Variants in STK26 observed in about 807,000 individuals in gnomAD.
STK26 encodes the protein serine/threonine-protein kinase 26.
In STK26, 14 loss-of-function variants were observed where a neutral mutation model predicts 34.7. The observed-to-expected ratio is 0.40, with a 90% CI of 0.27 to 0.63. STK26 has a LOEUF of 0.63. Ranked by LOEUF, STK26 falls within the 30% of genes least tolerant of loss-of-function variation. STK26 has a pLI of 0.38. For synonymous variants in STK26, 100 were observed against 109.8 expected (o/e 0.91, Z 0.56); for missense variants, 226 against 309.1 (o/e 0.73, Z 2.02).
rs1927527807 is a variant in STK26, at chrX:132,074,369, T to TTAATAATATTTAATAAGGA, written c.*210_*211insTAATAATATTTAATAAGGA. On this transcript the variant is annotated 3_prime_UTR_variant, in exon 12 of 12. Transcript: ENST00000394334. ...TTTTGTAAGGAATAACTTTTAATACTATAGTTTCACCTGTATTCTAGTAAA... is the reference window on the plus strand; with the variant it reads ...TTTTGTAAGGAATAACTTTTAATACTTAATAATATTTAATAAGGAATAGTTTCACCTGTATTCTAGTAAA... 2.8e-6 allele frequency: 1 copy of TTAATAATATTTAATAAGGA among 350,966 alleles called. No individual in the cohort carries two copies. The highest frequency in any genetic ancestry group is 5.0e-6 in the Non-Finnish European group (1 of 201,947). 28.9% of individuals were successfully genotyped at this position (350,966 alleles called of 1,213,427 possible). A position where few individuals can be genotyped will look rare whatever the true frequency, so the allele number is the denominator to read the frequency against.
intron 2 of STK26, among the ~76,000 whole-genome samples, chrX:132,048,813 C>T (rs774619629): frequency 9.0e-6 from 1 of 111,602 alleles, no homozygotes; most frequent in East Asian, 2.8e-4. Context: ...ATTGAATGAC[C>T]TATATACATT....
rs191219104 is a variant in STK26, at chrX:132,074,712, T to C, written c.*553T>C. ...CTCTTCTACCAAGTTGGTATGATAT[T>C]CCAGGCAGCTCAATGATTATCACAT... On this transcript the variant is annotated 3_prime_UTR_variant, in exon 12 of 12. Coordinates refer to ENST00000394334, the MANE Select transcript of STK26 (RefSeq NM_016542.4). 3.0e-4 allele frequency: 34 copies of C among 111,583 alleles called. No individual in the cohort carries two copies. Among genetic ancestry groups the C allele is most frequent in the African/African-American group, 1.1e-3 (34 of 30,806 alleles). The allele number at this position is 111,583 out of a possible 1,213,427, so 9.2% of individuals were successfully genotyped here.
chrX:132,065,349 G>A (rs780309565), intron 4 of STK26, among the ~76,000 whole-genome samples: 1 of 111,509 alleles, frequency 9.0e-6, no homozygotes, highest in Non-Finnish European at 1.9e-5. Flanking sequence ...AATATTAAGA[G>A]CCCTTTCCAA....
chrX:132,042,970 T>C (rs961641298), intron 2 of STK26, among the ~76,000 whole-genome samples: 1 of 111,888 alleles, frequency 8.9e-6, no homozygotes, highest in African/African-American at 3.2e-5. Context: ...AGGGAAATTA[T>C]TCTGCAGCCA....
intron 4 of STK26, among the ~76,000 whole-genome samples, chrX:132,064,905 C>G (rs1387597594): frequency 9.0e-6 from 1 of 111,441 alleles, no homozygotes; most frequent in Non-Finnish European, 1.9e-5. Context: ...ACCTTGACTG[C>G]CAGTAACTCA....
At chrX:132,069,342 T>G in intron 6 of STK26, 136 bp from the exon 7 acceptor site, 1 of 148,605 alleles carries the variant, frequency 6.7e-6, no homozygotes, top group East Asian at 1.8e-4. Flanking sequence ...TGTATAGCCA[T>G]TAGGTTCCAC....
intron 3 of STK26, among the ~76,000 whole-genome samples, chrX:132,060,242 C>T (rs993942635): frequency 8.9e-6 from 1 of 111,757 alleles, no homozygotes; most frequent in Non-Finnish European, 1.9e-5. Flanking sequence ...ATATTAATAG[C>T]CTGCTTATCT....
At chrX:132,057,112 G>A (rs1035677571) in intron 3 of STK26, among the ~76,000 whole-genome samples, 8 of 112,430 alleles carry the variant, frequency 7.1e-5, no homozygotes, top group South Asian at 3.7e-4. Flanking sequence ...CAGAATCTGG[G>A]TCTGGAGTGT....
chrX:132,023,455 C>T, intron 1 of STK26, 48 bp downstream of exon 1: 1 of 662,312 alleles, frequency 1.5e-6, no homozygotes, highest in Non-Finnish European at 2.4e-6. Flanking sequence ...CACCTCCTAG[C>T]CCCGGGCTAC....
intron 4 of STK26, among the ~76,000 whole-genome samples, chrX:132,066,756 T>A (rs1432367454): frequency 8.9e-6 from 1 of 112,289 alleles, no homozygotes; most frequent in African/African-American, 3.2e-5. Context: ...TACTGGCTTA[T>A]TTATGTTACT....
In STK26 at chrX:132,074,334, G is replaced by T; in HGVS notation, c.*175G>T. 2.4e-6 allele frequency: 1 copy of T among 409,535 alleles called. No homozygotes were observed. Among genetic ancestry groups the T allele is most frequent in the South Asian group, 7.7e-5 (1 of 13,029 alleles). 33.8% of individuals were successfully genotyped at this position (409,535 alleles called of 1,213,427 possible). A position where few individuals can be genotyped will look rare whatever the true frequency, so the allele number is the denominator to read the frequency against. On this transcript the variant is annotated 3_prime_UTR_variant, in exon 12 of 12. Transcript: ENST00000394334. Reference sequence around the variant, plus strand: ...GATGGCGTTTATCATTTTATATTTTGAAAGGATTATTTTGTAAGGAATAAC... The same window carrying T: ...GATGGCGTTTATCATTTTATATTTTTAAAGGATTATTTTGTAAGGAATAAC...
In STK26 at chrX:132,035,398, A is replaced by C. The variant is rs776461567; in HGVS notation, c.42+11739A>C. Among the ~76,000 whole-genome samples, 4 of 111,044 alleles carry C rather than the reference A, an allele frequency of 3.6e-5. No individual in the cohort carries two copies. The Admixed American group carries it at 3.8e-4, about 11-fold the overall frequency. ...TGTGTGCTGTTAAGTAACCTACTTC[A>C]GTTTTTATTGATTGATTTAATTTTA... is the stretch of plus-strand genomic sequence containing the variant. On this transcript the variant is annotated intron_variant, in intron 2 of 11. Transcript: ENST00000394334.
At chrX:132,047,224 G>C (rs1926527309) in intron 2 of STK26, among the ~76,000 whole-genome samples, 1 of 111,877 alleles carries the variant, frequency 8.9e-6, no homozygotes, top group African/African-American at 3.2e-5. Flanking sequence ...CTGATAACTT[G>C]TAGTATGAAC....
chrX:132,033,244 T>C (rs934942741), intron 2 of STK26, among the ~76,000 whole-genome samples: 2 of 111,263 alleles, frequency 1.8e-5, no homozygotes, highest in African/African-American at 6.5e-5. Context: ...TGCCTCATCA[T>C]TATCGCTGCC....
At position 132,054,174 on chromosome X, in the gene STK26, G is replaced by A. The variant is rs150671117; in HGVS notation, c.43-457G>A. On this transcript the variant is annotated intron_variant, in intron 2 of 11. Coordinates refer to ENST00000394334, the MANE Select transcript of STK26 (RefSeq NM_016542.4). The stretch of plus-strand genomic sequence containing the variant: ...GTTATTTAGATGGCGGTTTGGAAGT[G>A]TAGCTAAGATGATTGGGATATCCGA... 3.2e-4 allele frequency among the ~76,000 whole-genome samples: 36 copies of A among 112,351 alleles called. No individual in the cohort carries two copies. In the East Asian group the frequency reaches 4.7e-3, roughly 15 times the overall value.
chrX:132,041,741 A>AT lies in STK26; in HGVS notation c.43-12881dup, dbSNP rs757705241. On this transcript the variant is annotated intron_variant, in intron 2 of 11. Transcript: ENST00000394334. ...TAAGTTCCTAAACAGACTATATAGC[A>AT]TTTTTTTTTAAGGAAAAAGATCAAC... Among the ~76,000 whole-genome samples the AT allele has an allele frequency of 5.9e-3, 646 of 109,219 alleles. 4 individuals are homozygous for AT. Among genetic ancestry groups the AT allele is most frequent in the African/African-American group, 0.02 (603 of 30,175 alleles). The allele number at this position is 109,219 out of a possible 115,157, so 94.8% of individuals were successfully genotyped here.
rs139776835 is a variant in STK26 at position 132,060,064 on chromosome X, G to A, written c.274-3369G>A. Among the ~76,000 whole-genome samples the A allele has an allele frequency of 2.1e-4, 23 of 112,007 alleles. No homozygotes were observed. In the East Asian group the frequency reaches 6.1e-3, roughly 30 times the overall value. The stretch of plus-strand genomic sequence containing the variant: ...ATAATACACCTCTAAGAAGCCCCAT[G>A]TTAGATTCAATTCAACAGACGCTTA... On this transcript the variant is annotated intron_variant, in intron 3 of 11. Coordinates refer to ENST00000394334, the MANE Select transcript of STK26 (RefSeq NM_016542.4).
At chrX:132,044,235 A>G (rs1314519654) in intron 2 of STK26, among the ~76,000 whole-genome samples, 6 of 111,562 alleles carry the variant, frequency 5.4e-5, no homozygotes, top group Admixed American at 9.5e-5. Flanking sequence ...TAAGCCTGCT[A>G]TTGAAAATAG....
chrX:132,028,034 T>TTTG (rs1227543150), intron 2 of STK26, among the ~76,000 whole-genome samples: 1 of 100,753 alleles, frequency 9.9e-6, no homozygotes, highest in Non-Finnish European at 2.0e-5. Context: ...TTTTATGGTT[T>TTTG]TTTTTTTTTT....
Sources: allele counts gnomAD v4.1 joint callset (sites outside exome capture counted in the v4.1 genomes callset), GRCh38; gene constraint gnomAD v4.1.1; transcripts MANE v1.5; gene names NCBI Gene and HGNC (gene_info 2026-07-23, HGNC 2026-07-21).